LYST: variants seen among roughly 807,000 people sequenced by gnomAD.
LYST encodes lysosomal trafficking regulator.
In LYST, 192 loss-of-function variants were observed where a neutral mutation model predicts 413.6. The observed-to-expected ratio is 0.46, with a 90% CI of 0.41 to 0.52. LYST has a LOEUF of 0.52. Ranked by LOEUF, LYST falls within the 20% of genes least tolerant of loss-of-function variation. The probability of loss-of-function intolerance (pLI) is 0.00; values close to 1 mark genes in which losing one functional copy is unlikely to be tolerated. For missense variants in LYST, 3,815 were observed against 4,499.9 expected (o/e 0.85, Z 4.35); for synonymous variants, 1,525 against 1,567.3 (o/e 0.97, Z 0.64).
rs528813746 is a variant in LYST, at chr1:235,763,456, T to A, written c.6122-605A>T. On this transcript the variant is annotated intron_variant, in intron 21 of 52. Transcript: ENST00000389793. ...AAATCAGTCACCAGGTTCTACTGAC[T>A]TTTTCCCTTTTTTTGAGACAGTCTT... 2.6e-5 allele frequency among the ~76,000 whole-genome samples: 4 copies of A among 152,252 alleles called. No homozygotes were observed. In the East Asian group the frequency reaches 7.7e-4, roughly 29 times the overall value.
intron 3 of LYST, chr1:235,829,929 T>C (rs1024023666): frequency 3.0e-5 from 7 of 235,324 alleles, no homozygotes; most frequent in African/African-American, 1.6e-4. Flanking sequence ...TATAAGATTA[T>C]GTCTTATATT....
rs534410275 is a variant in LYST at position 235,733,655 on chromosome 1, T to C, written c.8649A>G (p.Ile2883Met). Residue 2883 changes from isoleucine (I) to methionine (M), a missense_variant, in exon 34 of 53, where the codon ATA becomes ATG. By Grantham distance (10) the Ile-to-Met change is conservative. This residue lies in a region of LYST where 866 missense variants were observed against 1,156.0 expected (regional missense o/e 0.75). Coordinates refer to ENST00000389793, the MANE Select transcript of LYST (RefSeq NM_000081.4). ...GGGTGATATCTGCAGCTATTTTAGA[T>C]ATATCCTTTGATTTTGAATCCAGAC... ...FQRLDSKSKD[I>M]SKIAADITQA... 5 of 1,613,840 alleles carry C rather than the reference T, an allele frequency of 3.1e-6. No homozygotes were observed. In the South Asian group the frequency reaches 4.4e-5, roughly 14 times the overall value.
chr1:235,731,212 A>G, intron 34 of LYST, 35 bp from the exon 35 acceptor site: 1 of 1,595,120 alleles, frequency 6.3e-7, no homozygotes, highest in South Asian at 1.1e-5. Context: ...GTTTTAAGTG[A>G]CCATCCAGGA....
At chr1:235,810,600 C>G in intron 4 of LYST, 66 bp from the exon 5 acceptor site, 1 of 1,398,704 alleles carries the variant, frequency 7.1e-7, no homozygotes, top group Non-Finnish European at 1.0e-6. Context: ...TTTAAGGTGA[C>G]AGCCCTCTTA....
At position 235,733,908 on chromosome 1, in the gene LYST, TAGA is replaced by T. The variant is rs757974517; in HGVS notation, c.8536-5_8536-3del. The T allele has an allele frequency of 2.3e-5, 34 of 1,477,904 alleles. No homozygotes were observed. The highest frequency in any genetic ancestry group is 4.5e-5 in the South Asian group (4 of 87,950). The allele number at this position is 1,477,904 out of a possible 1,614,324, so 91.5% of individuals were successfully genotyped here. ...TTCAGTTTCATATTTCTTTTGTTCC[TAGA>T]AGATTTAGATAATAATATACTATAT... On this transcript the variant is annotated splice_polypyrimidine_tract_variant and splice_region_variant and intron_variant, in intron 32 of 52. Transcript: ENST00000389793.
intron 10 of LYST, among the ~76,000 whole-genome samples, chr1:235,797,348 T>A (rs1671666041): frequency 6.6e-6 from 1 of 152,188 alleles, no homozygotes; most frequent in African/African-American, 2.4e-5. Context: ...AAACACTACT[T>A]AATGCAAGTG....
intron 31 of LYST, chr1:235,737,916 A>AATGGTATT: frequency 2.6e-5 from 30 of 1,163,404 alleles, no homozygotes; most frequent in Admixed American, 1.3e-4. Context: ...GCTGCCGACG[A>AATGGTATT]GTCTGGATCT....
chr1:235,733,972 G>A (rs1290017373), intron 32 of LYST, 66 bp from the exon 33 acceptor site: 4 of 795,806 alleles, frequency 5.0e-6, no homozygotes, highest in African/African-American at 1.8e-5. Flanking sequence ...TTGTCACAGA[G>A]CCCAACAAAC....
chr1:235,715,052 G>T, intron 42 of LYST, 149 bp downstream of exon 42: 1 of 733,128 alleles, frequency 1.4e-6, no homozygotes. Flanking sequence ...TTTTTGAGGA[G>T]CACTTTGGGC....
chr1:235,731,042 C>T lies in LYST; in HGVS notation c.8937G>A (p.Gln2979=), dbSNP rs1237891106. 1 of 1,613,516 alleles carries T rather than the reference C, an allele frequency of 6.2e-7. No homozygotes were observed. Residue 2979 remains glutamine, a synonymous_variant, in exon 35 of 53, where the codon CAG becomes CAA. Coordinates refer to ENST00000389793, the MANE Select transcript of LYST (RefSeq NM_000081.4). ...AGAAGCCACTATTACCTTCTGATTT[C>T]TGTCTATCCCTAAGGAGATACTTAT... ...IPNKYLLRDR[Q]KSEDVVKPPL...
chr1:235,749,330 A>T (rs1251077842), intron 28 of LYST, among the ~76,000 whole-genome samples: 1 of 152,212 alleles, frequency 6.6e-6, no homozygotes, highest in Non-Finnish European at 1.5e-5. Flanking sequence ...ATTAGAAAGC[A>T]ACAACCGAAC....
chr1:235,800,336 A>G lies in LYST; in HGVS notation c.3990T>C (p.Asp1330=), dbSNP rs1672072683. Residue 1330 remains aspartate, a synonymous_variant, in exon 10 of 53, where the codon GAT becomes GAC. Transcript: ENST00000389793. Reference sequence around the variant, plus strand: ...TCAACTTACCTTGAAAATCAGAATCATCCTGTGTTAAAATACTCAAGAACC... The same window carrying G: ...TCAACTTACCTTGAAAATCAGAATCGTCCTGTGTTAAAATACTCAAGAACC... ...LGGFLSILTQ[D]DSDFQACQRV... The G allele has an allele frequency of 1.9e-6, 3 of 1,587,042 alleles. No homozygotes were observed. The highest frequency in any genetic ancestry group is 1.3e-5 in the African/African-American group (1 of 74,326).
chr1:235,798,578 T>TAAAAAAAAAAAAAAAAAAAAAAA (rs71174462), intron 10 of LYST, among the ~76,000 whole-genome samples: 7 of 81,712 alleles, frequency 8.6e-5, no homozygotes, highest in African/African-American at 1.4e-4. Flanking sequence ...AACCCTGTCA[T>TAAAAAAAAAAAAAAAAAAAAAAA]AAAAAAAAAA....
intron 1 of LYST, among the ~76,000 whole-genome samples, chr1:235,861,075 T>C (rs771619130): frequency 1.3e-5 from 2 of 152,198 alleles, no homozygotes; most frequent in Admixed American, 1.3e-4. Context: ...TATATAAACA[T>C]TGCTTTTTAA....
At chr1:235,777,349 T>C in intron 16 of LYST, 41 bp from the exon 17 acceptor site, 1 of 1,577,446 alleles carries the variant, frequency 6.3e-7, no homozygotes, top group Non-Finnish European at 8.7e-7. Context: ...ACAACAAGTT[T>C]AAAATGCAAG....
upstream of LYST, among the ~76,000 whole-genome samples, chr1:235,869,989 C>T (rs1414301344): frequency 1.3e-5 from 2 of 152,252 alleles, no homozygotes; most frequent in East Asian, 1.9e-4. Flanking sequence ...ATCTCCTCCA[C>T]GTCTTTGCTC....
intron 3 of LYST, among the ~76,000 whole-genome samples, chr1:235,824,487 G>A (rs567847167): frequency 6.6e-5 from 10 of 152,146 alleles, no homozygotes; most frequent in Non-Finnish European, 1.5e-4. Context: ...TGAGGACACT[G>A]TGCTCTGGAG....
chr1:235,791,831 C>G lies in LYST; in HGVS notation c.4411G>C (p.Glu1471Gln), dbSNP rs1335780179. 6.2e-7 allele frequency: 1 copy of G among 1,614,196 alleles called. No homozygotes were observed. The highest frequency in any genetic ancestry group is 8.5e-7 in the Non-Finnish European group (1 of 1,180,020). The change falls in exon 12 of 53, where the codon GAA (glutamate) becomes CAA (glutamine). Residue 1471 changes from glutamate (E) to glutamine (Q), a missense_variant. By Grantham distance (29) the Glu-to-Gln change is conservative. This residue lies in a region of LYST where 1,648 missense variants were observed against 1,810.3 expected (regional missense o/e 0.91). Coordinates refer to ENST00000389793, the MANE Select transcript of LYST (RefSeq NM_000081.4). Reference sequence around the variant, plus strand: ...AACCACAGGGAAACACTGAAACCTTCTGATAGGTGTGGCCAGCAGTTTTGC... The same window carrying G: ...AACCACAGGGAAACACTGAAACCTTGTGATAGGTGTGGCCAGCAGTTTTGC... ...LGQNCWPHLSEGFSVSLWFNV... is the reference protein window; with the variant it reads ...LGQNCWPHLSQGFSVSLWFNV...
At position 235,779,966 on chromosome 1, in the gene LYST, A is replaced by G. The variant is rs113622075; in HGVS notation, c.5214+899T>C. On this transcript the variant is annotated intron_variant, in intron 16 of 52. Coordinates refer to ENST00000389793, the MANE Select transcript of LYST (RefSeq NM_000081.4). ...ATGAAGGCTCAGTTTTCTAGTTGCT[A>G]TAACGAAAAATCCTCACCACTAGCT... Among the ~76,000 whole-genome samples, 1,403 of 152,308 alleles carry G rather than the reference A, an allele frequency of 9.2e-3. 20 individuals carry two copies. The highest frequency in any genetic ancestry group is 0.032 in the African/African-American group (1,332 of 41,566).
Sources: gnomAD v4.1 joint callset for allele counts (sites outside exome capture counted in the v4.1 genomes callset) on GRCh38, gnomAD v4.1.1 for gene constraint, gnomAD v4.1.1 regional missense constraint, MANE v1.5 for transcripts, NCBI Gene and HGNC (gene_info 2026-07-23, HGNC 2026-07-21) for gene names.